Variants in ARHGEF4 observed in about 807,000 individuals in gnomAD.
The protein encoded by ARHGEF4 is APC-stimulated guanine nucleotide exchange factor 1.
A neutral mutation model predicts 162.0 loss-of-function variants in ARHGEF4; 119 were observed. The ratio of observed to expected loss-of-function variants is 0.73; its 90% confidence interval spans 0.63 to 0.86. ARHGEF4 has a LOEUF of 0.86. Ranked by LOEUF, ARHGEF4 falls within the 40% of genes least tolerant of loss-of-function variation. The pLI, the probability that ARHGEF4 is intolerant of heterozygous loss-of-function variation, is 0.00. For missense variants in ARHGEF4, 2,488 were observed against 2,456.0 expected (o/e 1.01, Z -0.28); for synonymous variants, 1,014 against 979.9 (o/e 1.03, Z -0.65).
chr2:130,980,291 G>A (rs1403402941), intron 4 of ARHGEF4, among the ~76,000 whole-genome samples: 2 of 151,908 alleles, frequency 1.3e-5, no homozygotes, highest in African/African-American at 4.8e-5. Context: ...CAGCTACTTG[G>A]GAGGCTGAGG....
At position 130,917,278 on chromosome 2, in the gene ARHGEF4, G is replaced by T. The variant is rs202016094; in HGVS notation, c.3332G>T (p.Arg1111Met). Residue 1111 changes from arginine (R) to methionine (M), a missense_variant, in exon 2 of 14, where the codon AGG becomes ATG. By Grantham distance (91) the Arg-to-Met change is moderately conservative. Around this residue, in one of 6 missense-constraint regions of ARHGEF4, gnomAD observed 1,642 missense variants for 1,481.5 expected, o/e 1.11. Coordinates refer to ENST00000409359, the MANE Select transcript of ARHGEF4 (RefSeq NM_001367493.1). ...CGGATGGGTCTCCACTACCCCGGGA[G>T]GGGTAGCGCCATCTCCATGGTTTCT... ...AQRMGLHYPG[R>M]GSAISMVSLG... The T allele has an allele frequency of 5.8e-4, 894 of 1,550,554 alleles. 1 individual carries two copies. The highest frequency in any genetic ancestry group is 6.9e-4 in the Non-Finnish European group (796 of 1,146,998).
At chr2:130,983,203 G>C (rs958763845) in intron 4 of ARHGEF4, among the ~76,000 whole-genome samples, 12 of 152,146 alleles carry the variant, frequency 7.9e-5, no homozygotes, top group African/African-American at 2.9e-4. Context: ...AAAACTGAGA[G>C]ATTAAACACC....
At chr2:130,925,794 T>C (rs906698376) in intron 2 of ARHGEF4, among the ~76,000 whole-genome samples, 3 of 152,194 alleles carry the variant, frequency 2.0e-5, no homozygotes, top group Non-Finnish European at 2.9e-5. Context: ...TTCTTCTTCA[T>C]GTGGATTTCT....
Position 130,916,523 on chromosome 2 carries a change from T to G in ARHGEF4, c.2577T>G (p.Phe859Leu). ...GGGACGCCAGCGCCTGGCCCGAGTT[T>G]GTCCCGCAGGCTGCAGGCGACAGGA... ...HHGDASAWPE[F>L]VPQAAGDRTA... Residue 859 changes from phenylalanine (F) to leucine (L), a missense_variant, in exon 2 of 14, where the codon TTT (phenylalanine) becomes TTG (leucine). By Grantham distance (22) the Phe-to-Leu change is conservative (BLOSUM62 0). Transcript: ENST00000409359. The G allele has an allele frequency of 1.3e-6, 2 of 1,549,486 alleles. No homozygotes were observed. The highest frequency in any genetic ancestry group is 2.4e-5 in the East Asian group (1 of 40,886).
intron 2 of ARHGEF4, among the ~76,000 whole-genome samples, chr2:130,926,008 TTTTCTCTCTTTCTTTCTTTC>T (rs1423965761): frequency 1.0e-4 from 2 of 19,072 alleles, no homozygotes; most frequent in Admixed American, 1.8e-3. Flanking sequence ...ATTTGTTTGG[TTTTCTCTCTTTCTTTCTTTC>T]TTTCTTTCTT....
intron 1 of ARHGEF4, among the ~76,000 whole-genome samples, chr2:130,838,209 G>C (rs917637495): frequency 1.3e-5 from 2 of 152,202 alleles, no homozygotes; most frequent in African/African-American, 4.8e-5. Context: ...TACAATCTTG[G>C]GACAATCACA....
At chr2:130,853,027 C>A (rs1681517812) in intron 1 of ARHGEF4, among the ~76,000 whole-genome samples, 1 of 152,164 alleles carries the variant, frequency 6.6e-6, no homozygotes, top group Non-Finnish European at 1.5e-5. Context: ...ATGCTCCCAT[C>A]GAGGGTCAGC....
Position 130,972,314 on chromosome 2 carries a change from T to G in ARHGEF4, c.3985+25679T>G, listed in dbSNP as rs536857934. ...AGAGCATAGTCTACTAAAGGCCTAC[T>G]AATGAGTTAAAGATACCTTGAAAGA... On this transcript the variant is annotated intron_variant, in intron 4 of 13. Transcript: ENST00000409359. Among the ~76,000 whole-genome samples, 5 of 152,290 alleles carry G rather than the reference T, an allele frequency of 3.3e-5. No individual in the cohort carries two copies. In the South Asian group the frequency reaches 6.2e-4, roughly 19 times the overall value.
At chr2:130,910,911 T>G (rs898683420) in intron 1 of ARHGEF4, among the ~76,000 whole-genome samples, 3 of 152,300 alleles carry the variant, frequency 2.0e-5, no homozygotes, top group East Asian at 3.9e-4. Flanking sequence ...GCCAAGATAA[T>G]GGACATACCA....
intron 4 of ARHGEF4, among the ~76,000 whole-genome samples, chr2:130,986,154 GTGTTGCATGTGTA>G (rs1272494280): frequency 2.6e-5 from 4 of 151,750 alleles, no homozygotes; most frequent in Non-Finnish European, 5.9e-5. Context: ...TGCATGGTGT[GTGTTGCATGTGTA>G]TGTTGTGTTG....
intron 4 of ARHGEF4, among the ~76,000 whole-genome samples, chr2:130,992,100 TCCATAC>T: frequency 6.6e-6 from 1 of 152,166 alleles, no homozygotes; most frequent in Non-Finnish European, 1.5e-5. Context: ...AACCTTTGTG[TCCATAC>T]TCTGCATCTA....
chr2:131,035,067 C>T (rs991130791), intron 5 of ARHGEF4: 16 of 1,009,812 alleles, frequency 1.6e-5, no homozygotes, highest in Admixed American at 6.0e-5. Context: ...ATCTCGGGGC[C>T]GCACGGAGCG....
intron 4 of ARHGEF4, among the ~76,000 whole-genome samples, chr2:130,950,860 TTTC>T (rs1434678311): frequency 2.6e-5 from 4 of 152,182 alleles, no homozygotes; most frequent in African/African-American, 9.6e-5. Flanking sequence ...CAGTACTTCA[TTTC>T]TTTCTTTGGC....
intron 1 of ARHGEF4, among the ~76,000 whole-genome samples, chr2:130,895,608 CTT>C (rs1276143070): frequency 1.3e-5 from 2 of 152,168 alleles, no homozygotes; most frequent in Non-Finnish European, 2.9e-5. Flanking sequence ...CTGAGCATCA[CTT>C]CATGTGCTTA....
intron 4 of ARHGEF4, among the ~76,000 whole-genome samples, chr2:130,965,570 A>G (rs1465977774): frequency 1.3e-5 from 2 of 152,206 alleles, no homozygotes; most frequent in South Asian, 2.1e-4. Context: ...AAGCTAGATC[A>G]TACCCTAAGT....
At chr2:130,843,753 G>A (rs1020849890) in intron 1 of ARHGEF4, among the ~76,000 whole-genome samples, 16 of 152,216 alleles carry the variant, frequency 1.1e-4, no homozygotes, top group African/African-American at 3.4e-4. Context: ...CTCCCTCTGG[G>A]CTGTCGGCTC....
intron 4 of ARHGEF4, among the ~76,000 whole-genome samples, chr2:130,961,517 G>A (rs762934587): frequency 6.6e-6 from 1 of 152,140 alleles, no homozygotes; most frequent in Non-Finnish European, 1.5e-5. Flanking sequence ...GACAGGAGGA[G>A]GAAGAGAAAT....
chr2:130,924,064 G>A (rs1682068341), intron 2 of ARHGEF4, among the ~76,000 whole-genome samples: 1 of 150,382 alleles, frequency 6.6e-6, no homozygotes, highest in Admixed American at 6.6e-5. Context: ...TGTGCTTTTA[G>A]TAGATACGGG....
intron 4 of ARHGEF4, among the ~76,000 whole-genome samples, chr2:131,005,697 C>T (rs962410197): frequency 1.4e-5 from 2 of 144,640 alleles, no homozygotes; most frequent in Non-Finnish European, 3.1e-5. Flanking sequence ...AGGGGAGGGG[C>T]GGGAGTGCCC....
Sources: gnomAD v4.1 joint callset for allele counts (sites outside exome capture counted in the v4.1 genomes callset) on GRCh38, gnomAD v4.1.1 for gene constraint, gnomAD v4.1.1 regional missense constraint, MANE v1.5 for transcripts, NCBI Gene and HGNC (gene_info 2026-07-23, HGNC 2026-07-21) for gene names.